The following SHBG variants were observed in gnomAD, a reference collection of about 807,000 sequenced individuals.
The protein encoded by SHBG is sex hormone binding globulin.
SHBG carries 37 observed loss-of-function variants against 41.9 expected under a neutral mutation model. The observed-to-expected ratio is 0.88, with a 90% CI of 0.68 to 1.16. The LOEUF (loss-of-function observed/expected upper bound fraction) is 1.16. Among genes scored for constraint, SHBG ranks in the 50% most tolerant of loss-of-function variants. The pLI is 0.00. For missense variants in SHBG, 466 were observed against 499.9 expected, an observed-to-expected ratio of 0.93 and a Z score of 0.65; for synonymous variants, 217 against 205.8, an observed-to-expected ratio of 1.05 and a Z score of -0.47.
At chr17:7,623,339 GA>G (rs2072133115), upstream of SHBG, among the ~76,000 whole-genome samples, 1 of 152,190 alleles carries the variant, frequency 6.6e-6, no homozygotes, top group Non-Finnish European at 1.5e-5. Flanking sequence ...TGCAGTGAGT[GA>G]GATCGTGCCA....
upstream of SHBG, among the ~76,000 whole-genome samples, chr17:7,625,231 A>G (rs970642786): frequency 6.6e-6 from 1 of 151,700 alleles, no homozygotes. Flanking sequence ...TCACAGGCAT[A>G]AGCCACTGAG....
At chr17:7,621,047 G>A (rs921843046) in intron 1 of SHBG, among the ~76,000 whole-genome samples, 1 of 125,494 alleles carries the variant, frequency 8.0e-6, no homozygotes, top group Non-Finnish European at 1.6e-5. Flanking sequence ...AGTGAGCCAT[G>A]ATCGCACCAC....
chr17:7,622,322 G>A (rs1260932599), intron 1 of SHBG, among the ~76,000 whole-genome samples: 1 of 151,376 alleles, frequency 6.6e-6, no homozygotes, highest in Non-Finnish European at 1.5e-5. Flanking sequence ...ACCCAGGCTG[G>A]AGTGCAGTGG....
rs746911971 is a variant in SHBG at position 7,630,827 on chromosome 17, G to T, written c.351G>T (p.Thr117=). Residue 117 remains threonine, a synonymous_variant, in exon 3 of 8, where the codon ACG becomes ACT. Transcript: ENST00000380450. This position sits in a 1 kb window ranked among gnomAD's most constrained non-coding sequence, Gnocchi z 4.6. ...TGCACAATCACTGGGCCCAGCTTAC[G>T]GTGGGTGCTGGACCACGGCTGGATG... The part of the protein sequence containing the change: ...IQLHNHWAQL[T]VGAGPRLDDG... 7.4e-6 allele frequency: 12 copies of T among 1,613,720 alleles called. No homozygotes were observed. In the East Asian group the frequency reaches 2.5e-4, roughly 33 times the overall value.
chr17:7,618,664 A>G (rs1167514075), intron 1 of SHBG, among the ~76,000 whole-genome samples: 1 of 152,074 alleles, frequency 6.6e-6, no homozygotes, highest in East Asian at 1.9e-4. Flanking sequence ...TAAGTTCCCA[A>G]CAAATTTACC....
Position 7,630,722 on chromosome 17 carries a change from A to C in SHBG, c.246A>C (p.Gly82=). Residue 82 remains glycine, a synonymous_variant, in exon 3 of 8, where the codon GGA becomes GGC. Coordinates refer to ENST00000380450, the MANE Select transcript of SHBG (RefSeq NM_001040.5). This position sits in a 1 kb window ranked among gnomAD's most constrained non-coding sequence, Gnocchi z 4.6. ...SFEVRTWDPE[G]VIFYGDTNPK... Reference sequence around the variant, plus strand: ...AGGTTCGAACCTGGGACCCAGAGGGAGTGATTTTTTATGGGGATACCAACC... The same window carrying C: ...AGGTTCGAACCTGGGACCCAGAGGGCGTGATTTTTTATGGGGATACCAACC... 1 of 1,614,000 alleles carries C rather than the reference A, an allele frequency of 6.2e-7. No homozygotes were observed. Among genetic ancestry groups the C allele is most frequent in the Non-Finnish European group, 8.5e-7 (1 of 1,179,988 alleles).
Position 7,631,589 on chromosome 17 carries a change from C to A in SHBG, c.556C>A (p.Leu186Met). 6.2e-7 allele frequency: 1 copy of A among 1,614,098 alleles called. No individual in the cohort carries two copies. Among genetic ancestry groups the A allele is most frequent in the East Asian group, 2.2e-5 (1 of 44,884 alleles). ...GTATCTTATCTCTGTCACACTCCAG[C>A]TGGTTCCTGCCCTGGATGGCTGCCT... is the stretch of plus-strand genomic sequence containing the variant. ...LFPASNLRLPLVPALDGCLRR... is the reference protein window; with the variant it reads ...LFPASNLRLPMVPALDGCLRR... Residue 186 changes from leucine (L) to methionine (M), a missense_variant and splice_region_variant, in exon 5 of 8, where the codon CTG (leucine) becomes ATG (methionine). Leu to Met is a conservative substitution (Grantham distance 15). Coordinates refer to ENST00000380450, the MANE Select transcript of SHBG (RefSeq NM_001040.5).
chr17:7,624,457 G>C (rs1345471002), upstream of SHBG, among the ~76,000 whole-genome samples: 2 of 152,026 alleles, frequency 1.3e-5, no homozygotes, highest in Non-Finnish European at 2.9e-5. Context: ...TGTTGGCCAG[G>C]CTGGTCTCGA....
chr17:7,626,591 GGA>G, upstream of SHBG: 1 of 1,613,686 alleles, frequency 6.2e-7, no homozygotes, highest in Non-Finnish European at 8.5e-7. Flanking sequence ...GGCGGAATTG[GGA>G]GCAGCCCTTA....
Position 7,630,583 on chromosome 17 carries a change from C to A in SHBG, c.203+76C>A. On this transcript the variant is annotated intron_variant, in intron 2 of 7. Coordinates refer to ENST00000380450, the MANE Select transcript of SHBG (RefSeq NM_001040.5). The surrounding 1 kb of genome is among the most constrained non-coding windows in gnomAD (Gnocchi z 4.6). ...CCATCAGCTCTTCTCTTTTCCCTGT[C>A]TTCCTTTCCTTATCTGTGAACACCA... 6.5e-7 allele frequency: 1 copy of A among 1,543,482 alleles called. No individual in the cohort carries two copies. Among genetic ancestry groups the A allele is most frequent in the Non-Finnish European group, 9.0e-7 (1 of 1,117,080 alleles).
At chr17:7,620,303 T>C (rs1435090085) in intron 1 of SHBG, among the ~76,000 whole-genome samples, 1 of 152,010 alleles carries the variant, frequency 6.6e-6, no homozygotes, top group African/African-American at 2.4e-5. Flanking sequence ...TAGTCTCCAA[T>C]AAAAAATTTG....
Position 7,630,208 on chromosome 17 carries a change from G to A in SHBG, c.36G>A (p.Leu12=). 6.2e-7 allele frequency: 1 copy of A among 1,612,624 alleles called. No homozygotes were observed. Among genetic ancestry groups the A allele is most frequent in the Non-Finnish European group, 8.5e-7 (1 of 1,179,384 alleles). The part of the protein sequence containing the change: ...ESRGPLATSR[L]LLLLLLLLLR... Reference sequence around the variant, plus strand: ...GAGGCCCACTGGCTACCTCGCGCCTGCTGCTGTTGCTGCTGTTGCTACTAC... The same window carrying A: ...GAGGCCCACTGGCTACCTCGCGCCTACTGCTGTTGCTGCTGTTGCTACTAC... The change falls in exon 1 of 8, where the codon CTG becomes CTA. Residue 12 remains leucine, a synonymous_variant. Transcript: ENST00000380450. This position sits in a 1 kb window ranked among gnomAD's most constrained non-coding sequence, Gnocchi z 4.6.
upstream of SHBG, among the ~76,000 whole-genome samples, chr17:7,626,014 C>T (rs535684685): frequency 5.9e-5 from 9 of 151,350 alleles, no homozygotes; most frequent in South Asian, 1.9e-3. Context: ...CCAGCCTGGC[C>T]AGTATGGTGA....
chr17:7,633,069 C>T, intron 7 of SHBG, 110 bp downstream of exon 7: 2 of 1,415,488 alleles, frequency 1.4e-6, no homozygotes, highest in Non-Finnish European at 2.0e-6. Context: ...GAATAGGCCA[C>T]AAGAAGAAGA....
At chr17:7,615,971 C>G (rs1659233992) in intron 1 of SHBG, among the ~76,000 whole-genome samples, 1 of 151,752 alleles carries the variant, frequency 6.6e-6, no homozygotes, top group Admixed American at 6.6e-5. Context: ...AAGTTTGACA[C>G]CAGCCTCAAC....
At chr17:7,627,180 C>A, upstream of SHBG, 2 of 1,614,100 alleles carry the variant, frequency 1.2e-6, no homozygotes, top group Non-Finnish European at 1.7e-6. This position sits in a 1 kb window ranked among gnomAD's most constrained non-coding sequence, Gnocchi z 4.8. Context: ...TCTCTGCTAC[C>A]AAACAGTGAT....
rs763668059 is a variant in SHBG at position 7,630,867 on chromosome 17, C to A, written c.391C>A (p.Gln131Lys). The A allele has an allele frequency of 6.2e-7, 1 of 1,612,532 alleles. No homozygotes were observed. Among genetic ancestry groups the A allele is most frequent in the Non-Finnish European group, 8.5e-7 (1 of 1,179,806 alleles). ...ACGGCTGGATGATGGGAGATGGCAC[C>A]AGGTAAGCTAGCTCTGGTCCTCAGG... is the stretch of plus-strand genomic sequence containing the variant. ...GPRLDDGRWH[Q>K]VEVKMEGDSV... The change falls in exon 3 of 8, where the codon CAG becomes AAG. Residue 131 changes from glutamine to lysine, a missense_variant and splice_region_variant. Gln to Lys is a moderately conservative substitution (Grantham distance 53). Coordinates refer to ENST00000380450, the MANE Select transcript of SHBG (RefSeq NM_001040.5). The surrounding 1 kb of genome is among the most constrained non-coding windows in gnomAD (Gnocchi z 4.6).
Position 7,631,570 on chromosome 17 carries a change from T to C in SHBG, c.556-19T>C. ...CCCTGATTTCTACATCCCCGTATCT[T>C]ATCTCTGTCACACTCCAGCTGGTTC... is the stretch of plus-strand genomic sequence containing the variant. On this transcript the variant is annotated intron_variant, in intron 4 of 7. Transcript: ENST00000380450. The C allele has an allele frequency of 1.2e-6, 2 of 1,613,960 alleles. No homozygotes were observed. The highest frequency in any genetic ancestry group is 1.1e-5 in the South Asian group (1 of 91,076).
upstream of SHBG, among the ~76,000 whole-genome samples, chr17:7,625,512 G>A (rs1384341541): frequency 6.6e-6 from 1 of 151,866 alleles, no homozygotes; most frequent in Non-Finnish European, 1.5e-5. Context: ...AAGAGGCAAA[G>A]CTTGCAGTGA....
Sources: allele counts gnomAD v4.1 joint callset (sites outside exome capture counted in the v4.1 genomes callset), GRCh38; gene constraint gnomAD v4.1.1; non-coding constraint Gnocchi (gnomAD v3.1); transcripts MANE v1.5; gene names NCBI Gene and HGNC (gene_info 2026-07-23, HGNC 2026-07-21).